The following NTRK3 variants were observed in gnomAD, a reference collection of about 807,000 sequenced individuals.
NTRK3 encodes the protein NT-3 growth factor receptor.
A neutral mutation model predicts 91.7 loss-of-function variants in NTRK3; 24 were observed. That is an observed-to-expected ratio of 0.26 (90% CI 0.19 to 0.37). The LOEUF (loss-of-function observed/expected upper bound fraction) is 0.37, where lower values mean the gene tolerates loss of function less well. NTRK3 is among the 10% of genes least tolerant of loss of function. NTRK3 has a pLI of 1.00. For synonymous variants in NTRK3, 483 were observed against 404.0 expected (o/e 1.20, Z -2.34); for missense variants, 880 against 1,068.9 (o/e 0.82, Z 2.46).
chr15:88,127,080 T>C lies in NTRK3; in HGVS notation c.1293+82A>G, dbSNP rs186466838. The C allele has an allele frequency of 2.9e-4, 352 of 1,219,346 alleles. 1 individual carries two copies. In the African/African-American group the frequency reaches 5.0e-3, roughly 17 times the overall value. The allele number at this position is 1,219,346 out of a possible 1,614,324, so 75.5% of individuals were successfully genotyped here. On this transcript the variant is annotated intron_variant, in intron 12 of 18. Coordinates refer to ENST00000394480, the Ensembl canonical transcript of NTRK3. ...TTTCAAAGTTTCAAGTAAGATAATA[T>C]TTGGAAAAGTTAGCAACACAAATGA...
chr15:88,053,106 C>A (rs2045372874), intron 13 of NTRK3, among the ~76,000 whole-genome samples: 1 of 152,110 alleles, frequency 6.6e-6, no homozygotes, highest in South Asian at 2.1e-4. Flanking sequence ...AAAACAAAGC[C>A]CTTGTTTGAT....
At chr15:88,127,514 A>T (rs928051598) in intron 11 of NTRK3, among the ~76,000 whole-genome samples, 2 of 152,198 alleles carry the variant, frequency 1.3e-5, no homozygotes, top group African/African-American at 4.8e-5. Context: ...AAAATAACAT[A>T]ACCTGGGCAA....
intron 17 of NTRK3, among the ~76,000 whole-genome samples, chr15:87,880,896 C>T (rs1433430176): frequency 6.6e-6 from 1 of 152,186 alleles, no homozygotes; most frequent in African/African-American, 2.4e-5. Context: ...CTGACAATCT[C>T]GAATCTCTCA....
intron 13 of NTRK3, among the ~76,000 whole-genome samples, chr15:88,088,967 T>C (rs901811028): frequency 5.9e-5 from 9 of 152,276 alleles, no homozygotes; most frequent in Non-Finnish European, 1.2e-4. Flanking sequence ...AGTGGGAATA[T>C]GCACAATCTG....
intron 13 of NTRK3, among the ~76,000 whole-genome samples, chr15:88,121,425 T>C (rs1463536151): frequency 6.6e-6 from 1 of 152,192 alleles, no homozygotes; most frequent in African/African-American, 2.4e-5. Flanking sequence ...CCTCGGTTTC[T>C]TCACCTGGAA....
At chr15:88,219,588 C>T (rs1247540857) in intron 3 of NTRK3, among the ~76,000 whole-genome samples, 3 of 152,248 alleles carry the variant, frequency 2.0e-5, no homozygotes, top group African/African-American at 7.2e-5. Context: ...TGGATGAAGT[C>T]GACTAAACCC....
At chr15:88,248,909 C>T (rs750787535) in intron 3 of NTRK3, among the ~76,000 whole-genome samples, 1 of 152,200 alleles carries the variant, frequency 6.6e-6, no homozygotes, top group Non-Finnish European at 1.5e-5. Flanking sequence ...GGGCACTGAA[C>T]TTCAACAGGG....
chr15:88,183,012 A>AC (rs370707792), intron 5 of NTRK3, among the ~76,000 whole-genome samples: 3,144 of 119,450 alleles, frequency 0.026, 34 homozygotes, highest in African/African-American at 0.035. Context: ...TCTTCTTGCA[A>AC]CCCCCCCCCG....
intron 16 of NTRK3, 96 bp downstream of exon 16, chr15:87,932,916 T>G: frequency 8.3e-7 from 1 of 1,199,642 alleles, no homozygotes; most frequent in Non-Finnish European, 1.2e-6. Context: ...GAGAGGAAAG[T>G]GTTTAGAGGG....
intron 5 of NTRK3, among the ~76,000 whole-genome samples, chr15:88,155,519 G>T (rs763615509): frequency 1.1e-4 from 17 of 152,196 alleles, no homozygotes; most frequent in Non-Finnish European, 2.4e-4. Flanking sequence ...GTGTTAATTT[G>T]TTACAACAGC....
In NTRK3 at chr15:88,208,861, A is replaced by G. The variant is rs1393289545; in HGVS notation, c.249-24562T>C. ...TTTCATTGGTCTGCAGTAGAGTCTG[A>G]GTATTTTTTAAAGGTTCCTTAGGGG... On this transcript the variant is annotated intron_variant, in intron 3 of 18. Coordinates refer to ENST00000394480, the Ensembl canonical transcript of NTRK3. Among the ~76,000 whole-genome samples, 6 of 148,002 alleles carry G rather than the reference A, an allele frequency of 4.1e-5. No individual in the cohort carries two copies. The Admixed American group carries it at 4.1e-4, about 10-fold the overall frequency.
chr15:87,944,161 TC>T (rs1295617285), intron 14 of NTRK3, among the ~76,000 whole-genome samples: 1 of 152,180 alleles, frequency 6.6e-6, no homozygotes, highest in Non-Finnish European at 1.5e-5. Context: ...CCATAAATTC[TC>T]CTCCAGGAAA....
intron 14 of NTRK3, among the ~76,000 whole-genome samples, chr15:88,025,023 G>A (rs1052938672): frequency 6.6e-6 from 1 of 152,196 alleles, no homozygotes; most frequent in African/African-American, 2.4e-5. Context: ...AGAGAGAAAG[G>A]TTGGTACAAT....
intron 16 of NTRK3, chr15:87,930,934 T>C (rs1349243197): frequency 1.0e-5 from 2 of 200,044 alleles, no homozygotes; most frequent in South Asian, 1.4e-4. Flanking sequence ...GTCTTCAGAG[T>C]GTCAGCAAGT....
chr15:88,172,164 A>G (rs2015259), intron 5 of NTRK3, among the ~76,000 whole-genome samples: 31,526 of 152,224 alleles, frequency 0.21, 3,320 homozygotes, highest in South Asian at 0.27. Context: ...GCAAGCCCCA[A>G]CAGGCAAAGG....
intron 6 of NTRK3, among the ~76,000 whole-genome samples, chr15:88,141,570 C>T (rs561181491): frequency 6.6e-6 from 1 of 152,238 alleles, no homozygotes; most frequent in Non-Finnish European, 1.5e-5. Context: ...TGACAAGATG[C>T]AGTCATTCAT....
intron 3 of NTRK3, among the ~76,000 whole-genome samples, chr15:88,216,428 A>T (rs2049777300): frequency 6.6e-6 from 1 of 152,168 alleles, no homozygotes; most frequent in Non-Finnish European, 1.5e-5. Flanking sequence ...GAAGGAGGGA[A>T]ACTTAGCTAC....
At chr15:88,111,986 A>C (rs1432753265) in intron 13 of NTRK3, among the ~76,000 whole-genome samples, 1 of 150,730 alleles carries the variant, frequency 6.6e-6, no homozygotes, top group African/African-American at 2.4e-5. Context: ...GGCTCACTGC[A>C]AGCTCCGCCT....
At chr15:88,112,096 C>G (rs28654195) in intron 13 of NTRK3, among the ~76,000 whole-genome samples, 3 of 151,418 alleles carry the variant, frequency 2.0e-5, no homozygotes, top group Admixed American at 6.6e-5. Flanking sequence ...TTAGTAGAGA[C>G]AGGGTTTCAC....
Sources: gnomAD v4.1 joint callset for allele counts (sites outside exome capture counted in the v4.1 genomes callset) on GRCh38, gnomAD v4.1.1 for gene constraint, MANE v1.5 for transcripts, NCBI Gene and HGNC (gene_info 2026-07-23, HGNC 2026-07-21) for gene names.